NPAS2: variants seen among roughly 807,000 people sequenced by gnomAD.
NPAS2 encodes the protein neuronal PAS domain-containing protein 2.
NPAS2 carries 23 observed loss-of-function variants against 107.5 expected under a neutral mutation model. That is an observed-to-expected ratio of 0.21 (90% confidence interval 0.15 to 0.30). The LOEUF (loss-of-function observed/expected upper bound fraction) is 0.30. Ranked by LOEUF, NPAS2 falls within the 10% of genes least tolerant of loss-of-function variation. The pLI is 1.00. For missense variants in NPAS2, 756 were observed against 1,043.3 expected (o/e 0.72, Z 3.79); for synonymous variants, 403 against 417.5 (o/e 0.97, Z 0.42).
rs142238299 is a variant in NPAS2 at position 100,990,925 on chromosome 2, G to A, written c.2111+53G>A. 9,207 of 1,522,036 alleles carry A rather than the reference G, an allele frequency of 6.0e-3. 44 individuals are homozygous for A. The highest frequency in any genetic ancestry group is 7.6e-3 in the Non-Finnish European group (8,373 of 1,102,422). 94.3% of individuals were successfully genotyped at this position (1,522,036 alleles called of 1,614,324 possible). A position where few individuals can be genotyped will look rare whatever the true frequency, so the allele number is the denominator to read the frequency against. On this transcript the variant is annotated intron_variant, in intron 19 of 20. Coordinates refer to ENST00000335681, the MANE Select transcript of NPAS2 (RefSeq NM_002518.4). ...GGCAAGCGCTGGTGGAATGGTTCCA[G>A]GCTGGCCAGACTCACCCGCCTGGGC...
intron 7 of NPAS2, among the ~76,000 whole-genome samples, chr2:100,957,927 CA>C (rs199719527): frequency 3.4e-5 from 5 of 147,348 alleles, no homozygotes; most frequent in Non-Finnish European, 3.0e-5. Context: ...AACTCAGTCT[CA>C]AAAAAAAAAG....
intron 4 of NPAS2, among the ~76,000 whole-genome samples, chr2:100,936,396 T>C (rs2104963014): frequency 6.6e-6 from 1 of 152,272 alleles, no homozygotes; most frequent in Admixed American, 6.5e-5. Flanking sequence ...AGCAGAAAAA[T>C]GTCCAGATTC....
chr2:100,895,759 C>T (rs2104722977), intron 1 of NPAS2, among the ~76,000 whole-genome samples: 1 of 152,322 alleles, frequency 6.6e-6, no homozygotes. Context: ...CACAGGTAGT[C>T]CCTAGGGGTG....
At chr2:100,973,761 C>T (rs1464408410) in intron 12 of NPAS2, among the ~76,000 whole-genome samples, 1 of 152,248 alleles carries the variant, frequency 6.6e-6, no homozygotes, top group East Asian at 1.9e-4. Flanking sequence ...ATTCTTCTAA[C>T]ACTAGCTAGG....
At chr2:100,970,896 A>G in intron 11 of NPAS2, 94 bp from the exon 12 acceptor site, 4 of 1,092,092 alleles carry the variant, frequency 3.7e-6, no homozygotes, top group South Asian at 1.4e-5. Flanking sequence ...GGGGTTACGT[A>G]GAGAACCTCG....
rs1267291593 is a variant in NPAS2, at chr2:100,909,561, G to A, written c.32+4775G>A. On this transcript the variant is annotated intron_variant, in intron 2 of 20. Transcript: ENST00000335681. Reference sequence around the variant, plus strand: ...CCCCTGCATGCAGGCACAGTGCAGTGAGAACCCCGGGCCCTCAGCATTGGA... The same window carrying A: ...CCCCTGCATGCAGGCACAGTGCAGTAAGAACCCCGGGCCCTCAGCATTGGA... Among the ~76,000 whole-genome samples the A allele has an allele frequency of 2.0e-5, 3 of 152,218 alleles. No individual in the cohort carries two copies. In the East Asian group the frequency reaches 5.8e-4, roughly 29 times the overall value.
At chr2:100,833,181 C>T (rs746812412) in intron 1 of NPAS2, among the ~76,000 whole-genome samples, 2 of 152,170 alleles carry the variant, frequency 1.3e-5, no homozygotes, top group African/African-American at 2.4e-5. Context: ...ACGAGGACAG[C>T]GCATGGCCCA....
chr2:100,828,663 C>T (rs796782729), intron 1 of NPAS2, among the ~76,000 whole-genome samples: 2 of 152,146 alleles, frequency 1.3e-5, no homozygotes, highest in South Asian at 2.1e-4. Context: ...GTCCTTTCCC[C>T]ATTGCTTATT....
intron 2 of NPAS2, among the ~76,000 whole-genome samples, chr2:100,914,835 A>T (rs2104831845): frequency 2.6e-5 from 4 of 152,348 alleles, no homozygotes; most frequent in Admixed American, 2.6e-4. Context: ...GCGTGAGCAG[A>T]ATGCATGAAA....
intron 2 of NPAS2, among the ~76,000 whole-genome samples, chr2:100,908,068 G>A (rs1346202417): frequency 6.6e-6 from 1 of 152,132 alleles, no homozygotes; most frequent in Admixed American, 6.6e-5. Flanking sequence ...GGTCATCCAG[G>A]AAGCAGTGTG....
chr2:100,948,343 G>A lies in NPAS2; in HGVS notation c.472G>A (p.Glu158Lys). Residue 158 changes from glutamate to lysine, a missense_variant, in exon 6 of 21, where the codon GAA (glutamate) becomes AAA (lysine). By Grantham distance (56) the Glu-to-Lys change is moderately conservative. This residue lies in a region of NPAS2 where 146 missense variants were observed against 249.6 expected (regional missense o/e 0.58). Coordinates refer to ENST00000335681, the MANE Select transcript of NPAS2 (RefSeq NM_002518.4). Reference protein sequence around the residue: ...HMLVTDSPSPEYLKSDSDLEF... With the variant: ...HMLVTDSPSPKYLKSDSDLEF... Reference sequence around the variant, plus strand: ...GCTTGTGACGGATTCCCCCTCCCCAGAATACTTAAAATGTAAGTTTAATTT... The same window carrying A: ...GCTTGTGACGGATTCCCCCTCCCCAAAATACTTAAAATGTAAGTTTAATTT... 1 of 1,598,368 alleles carries A rather than the reference G, an allele frequency of 6.3e-7. No homozygotes were observed. Among genetic ancestry groups the A allele is most frequent in the Non-Finnish European group, 8.5e-7 (1 of 1,173,620 alleles).
At chr2:100,936,355 T>C (rs1285743789) in intron 4 of NPAS2, among the ~76,000 whole-genome samples, 1 of 152,210 alleles carries the variant, frequency 6.6e-6, no homozygotes, top group African/African-American at 2.4e-5. Flanking sequence ...TTTCCAGAGC[T>C]TTCTAAGCAC....
At chr2:100,832,630 C>G (rs1464660879) in intron 1 of NPAS2, among the ~76,000 whole-genome samples, 1 of 152,134 alleles carries the variant, frequency 6.6e-6, no homozygotes, top group Non-Finnish European at 1.5e-5. Context: ...CATGCCTGGT[C>G]TAGTAGCATT....
chr2:100,842,972 G>A (rs1019655204), intron 1 of NPAS2, among the ~76,000 whole-genome samples: 1 of 152,138 alleles, frequency 6.6e-6, no homozygotes, highest in African/African-American at 2.4e-5. Flanking sequence ...TGTAATCCCA[G>A]CACTTTGGGA....
At chr2:100,983,323 G>C (rs913071980) in intron 16 of NPAS2, 1 of 152,362 alleles carries the variant, frequency 6.6e-6, no homozygotes, top group Non-Finnish European at 1.5e-5. Flanking sequence ...GGGTTCTGTC[G>C]GGGCACAGCG....
intron 1 of NPAS2, among the ~76,000 whole-genome samples, chr2:100,904,279 G>C (rs928679477): frequency 6.6e-6 from 1 of 152,216 alleles, no homozygotes; most frequent in Non-Finnish European, 1.5e-5. Flanking sequence ...TAAGGCTTGA[G>C]AGGAACAGAT....
intron 1 of NPAS2, among the ~76,000 whole-genome samples, chr2:100,824,310 C>T (rs189843181): frequency 6.6e-6 from 1 of 152,356 alleles, no homozygotes; most frequent in East Asian, 1.9e-4. Flanking sequence ...GCATGCTTAT[C>T]TCCACCCTCT....
At chr2:100,863,025 C>A (rs531584565) in intron 1 of NPAS2, among the ~76,000 whole-genome samples, 2 of 152,202 alleles carry the variant, frequency 1.3e-5, no homozygotes, top group East Asian at 3.9e-4. Flanking sequence ...TCTTCACTTC[C>A]GTGTCAAGAG....
At chr2:100,889,103 C>T (rs1311445888) in intron 1 of NPAS2, among the ~76,000 whole-genome samples, 2 of 152,188 alleles carry the variant, frequency 1.3e-5, no homozygotes, top group Admixed American at 1.3e-4. Flanking sequence ...GATTTCTAGT[C>T]CTGCTGAGGC....
Sources: allele counts gnomAD v4.1 joint callset (sites outside exome capture counted in the v4.1 genomes callset), GRCh38; gene constraint gnomAD v4.1.1; regional missense constraint gnomAD v4.1.1; transcripts MANE v1.5; gene names NCBI Gene and HGNC (gene_info 2026-07-23, HGNC 2026-07-21).